UCK2: variants seen among roughly 807,000 people sequenced by gnomAD.
The protein encoded by UCK2 is uridine-cytidine kinase 2, also known as cytidine monophosphokinase 2.
In UCK2, 6 loss-of-function variants were observed where a neutral mutation model predicts 30.8. The observed-to-expected ratio is 0.19, with a 90% confidence interval of 0.11 to 0.38. UCK2 has a LOEUF of 0.38. UCK2 is among the 10% of genes least tolerant of loss of function. The pLI, the probability that UCK2 is intolerant of heterozygous loss-of-function variation, is 1.00. For synonymous variants in UCK2, 125 were observed against 133.6 expected, an observed-to-expected ratio of 0.94 and a Z score of 0.45; for missense variants, 210 against 339.8, an observed-to-expected ratio of 0.62 and a Z score of 3.00.
intron 5 of UCK2, 139 bp downstream of exon 5, chr1:165,903,418 A>C: frequency 1.4e-6 from 1 of 697,916 alleles, no homozygotes; most frequent in Non-Finnish European, 2.4e-6. Flanking sequence ...CTGAAGTCCT[A>C]AGAGAGGGCA....
intron 5 of UCK2, 114 bp downstream of exon 5, chr1:165,903,393 G>A (rs898463582): frequency 1.2e-6 from 1 of 860,690 alleles, no homozygotes; most frequent in Non-Finnish European, 1.8e-6. Flanking sequence ...TCCTCTCTCT[G>A]AGTGATCCTC....
chr1:165,889,915 T>C (rs925594977), intron 1 of UCK2, among the ~76,000 whole-genome samples: 3 of 152,062 alleles, frequency 2.0e-5, no homozygotes, highest in Admixed American at 2.0e-4. Context: ...ATCATTTAGC[T>C]CCCACTTACA....
At chr1:165,889,688 CT>C (rs57710760) in intron 1 of UCK2, among the ~76,000 whole-genome samples, 2,460 of 129,632 alleles carry the variant, frequency 0.019, 47 homozygotes, top group Admixed American at 0.066. Flanking sequence ...CTCCGTTAGC[CT>C]TTTTTTTTTT....
chr1:165,910,494 C>T lies in UCK2; in HGVS notation c.*2671C>T, dbSNP rs1647817600. On this transcript the variant is annotated 3_prime_UTR_variant, in exon 7 of 7. Transcript: ENST00000367879. ...TTCCTGCCCAGGTATTGTGTGTGGA[C>T]CAAGTGTTTAGGAAACAAGCATAGA... 1 of 152,260 alleles carries T rather than the reference C, an allele frequency of 6.6e-6. No individual in the cohort carries two copies. The highest frequency in any genetic ancestry group is 2.4e-5 in the African/African-American group (1 of 41,424). 9.4% of individuals were successfully genotyped at this position (152,260 alleles called of 1,614,324 possible). A position where few individuals can be genotyped will look rare whatever the true frequency, so the allele number is the denominator to read the frequency against.
chr1:165,889,593 A>G (rs1473713342), intron 1 of UCK2, among the ~76,000 whole-genome samples: 1 of 151,790 alleles, frequency 6.6e-6, no homozygotes, highest in Admixed American at 6.6e-5. Flanking sequence ...AGTACCTGAC[A>G]GTAGTAAGCT....
At chr1:165,861,016 T>C (rs1359405401) in intron 1 of UCK2, among the ~76,000 whole-genome samples, 1 of 152,142 alleles carries the variant, frequency 6.6e-6, no homozygotes, top group African/African-American at 2.4e-5. Context: ...AATTTATAGC[T>C]CACAATTCTG....
intron 1 of UCK2, among the ~76,000 whole-genome samples, chr1:165,840,193 A>C (rs183458018): frequency 5.2e-5 from 8 of 152,398 alleles, no homozygotes; most frequent in Non-Finnish European, 1.0e-4. Flanking sequence ...TGCTGGGAGT[A>C]CAGGCGTGAG....
chr1:165,868,170 A>G (rs755095657), intron 1 of UCK2, among the ~76,000 whole-genome samples: 6 of 152,356 alleles, frequency 3.9e-5, no homozygotes, highest in African/African-American at 1.2e-4. Flanking sequence ...GTGGGATTCA[A>G]ATATTCAGTA....
chr1:165,874,868 A>G (rs1211093733), intron 1 of UCK2, among the ~76,000 whole-genome samples: 1 of 152,170 alleles, frequency 6.6e-6, no homozygotes, highest in Non-Finnish European at 1.5e-5. Flanking sequence ...ACTAACTCTT[A>G]AGGAAATGGA....
At chr1:165,837,405 G>A (rs149930649) in intron 1 of UCK2, among the ~76,000 whole-genome samples, 54 of 152,224 alleles carry the variant, frequency 3.5e-4, no homozygotes, top group Admixed American at 3.5e-3. Flanking sequence ...GCTTTCTTTG[G>A]TGGGGTTCTG....
chr1:165,895,817 G>A (rs775289420), intron 3 of UCK2: 2 of 240,442 alleles, frequency 8.3e-6, no homozygotes, highest in Non-Finnish European at 1.4e-5. Flanking sequence ...TAAATGCCAG[G>A]CCATGAGAGC....
chr1:165,861,642 AAAAAAAAC>A (rs1259193987), intron 1 of UCK2, among the ~76,000 whole-genome samples: 1 of 99,174 alleles, frequency 1.0e-5, no homozygotes, highest in Admixed American at 1.2e-4. Context: ...AAAAAAAAAA[AAAAAAAAC>A]AAAAAAAAAC....
At chr1:165,880,476 C>T (rs1655456797) in intron 1 of UCK2, among the ~76,000 whole-genome samples, 2 of 152,096 alleles carry the variant, frequency 1.3e-5, no homozygotes, top group South Asian at 4.1e-4. Context: ...CAGCAGGTCT[C>T]CTCTTTGTTT....
intron 1 of UCK2, among the ~76,000 whole-genome samples, chr1:165,862,197 T>C (rs558739568): frequency 6.6e-6 from 1 of 152,328 alleles, no homozygotes; most frequent in South Asian, 2.1e-4. Flanking sequence ...TCCCTTTCTT[T>C]AGAGTACCGT....
intron 1 of UCK2, among the ~76,000 whole-genome samples, chr1:165,833,196 CTG>C (rs1342469250): frequency 6.6e-6 from 1 of 152,218 alleles, no homozygotes; most frequent in African/African-American, 2.4e-5. Flanking sequence ...GTTCCCAGGA[CTG>C]TGGGGCTGGT....
At chr1:165,880,620 C>G (rs549702625) in intron 1 of UCK2, among the ~76,000 whole-genome samples, 20 of 146,278 alleles carry the variant, frequency 1.4e-4, no homozygotes, top group African/African-American at 4.8e-4. Context: ...TGTGTGATGT[C>G]TTTTGTGTTT....
intron 1 of UCK2, among the ~76,000 whole-genome samples, chr1:165,862,621 G>A (rs1010733491): frequency 9.9e-5 from 15 of 152,192 alleles, no homozygotes; most frequent in African/African-American, 3.6e-4. Context: ...TTTGACTTCC[G>A]TATAGTAGTA....
chr1:165,907,709 C>T lies in UCK2; in HGVS notation c.672C>T (p.His224=). The T allele has an allele frequency of 6.2e-7, 1 of 1,614,200 alleles. No homozygotes were observed. Among genetic ancestry groups the T allele is most frequent in the Non-Finnish European group, 8.5e-7 (1 of 1,180,040 alleles). The change falls in exon 7 of 7, where the codon CAC becomes CAT. Residue 224 remains histidine, a synonymous_variant. Coordinates refer to ENST00000367879, the MANE Select transcript of UCK2 (RefSeq NM_012474.5). Reference sequence around the variant, plus strand: ...TGGCCATCAACCTCATCGTGCAGCACATCCAGGACATCCTGAATGGAGGGC... The same window carrying T: ...TGGCCATCAACCTCATCGTGCAGCATATCCAGGACATCCTGAATGGAGGGC... ...NLVAINLIVQ[H]IQDILNGGPS...
At chr1:165,863,937 A>C (rs1654982366) in intron 1 of UCK2, among the ~76,000 whole-genome samples, 1 of 152,218 alleles carries the variant, frequency 6.6e-6, no homozygotes, top group South Asian at 2.1e-4. Context: ...TTTTATAAAA[A>C]GTCATGTAGT....
Sources: allele counts gnomAD v4.1 joint callset (sites outside exome capture counted in the v4.1 genomes callset), GRCh38; gene constraint gnomAD v4.1.1; transcripts MANE v1.5; gene names NCBI Gene and HGNC (gene_info 2026-07-23, HGNC 2026-07-21).